THTPA: variants seen among roughly 807,000 people sequenced by gnomAD.
The protein encoded by THTPA is thiamine triphosphatase.
THTPA carries 16 observed loss-of-function variants against 16.5 expected under a neutral mutation model. The observed-to-expected ratio is 0.97, with a 90% CI of 0.66 to 1.47. The LOEUF (loss-of-function observed/expected upper bound fraction) is 1.47. Among genes scored for constraint, THTPA ranks in the 40% most tolerant of loss-of-function variants. The pLI is 0.00. For synonymous variants in THTPA, 110 were observed against 115.5 expected, an observed-to-expected ratio of 0.95 and a Z score of 0.30; for missense variants, 281 against 280.9, an observed-to-expected ratio of 1.00 and a Z score of 0.00.
chr14:23,559,940 T>C lies in THTPA; in HGVS notation c.*1100T>C. ...TTGGGGGAACTCCTGAAGCTCACCT[T>C]GTTAGGATTGAGGATTCTGAAGAGC... On this transcript the variant is annotated 3_prime_UTR_variant, in exon 2 of 2. Transcript: ENST00000288014. The C allele has an allele frequency of 6.2e-7, 1 of 1,612,686 alleles. No homozygotes were observed. Among genetic ancestry groups the C allele is most frequent in the Non-Finnish European group, 8.5e-7 (1 of 1,178,970 alleles).
At chr14:23,519,591 AAACT>A in the THTPA span, among the ~76,000 whole-genome samples, 1 of 152,146 alleles carries the variant, frequency 6.6e-6, no homozygotes, top group African/African-American at 2.4e-5. Flanking sequence ...TGGAATTACA[AAACT>A]AACTCCGCCT....
At chr14:23,524,001 G>A in the THTPA span, 1 of 1,522,252 alleles carries the variant, frequency 6.6e-7, no homozygotes, top group Non-Finnish European at 8.8e-7. This position sits in a 1 kb window ranked among gnomAD's most constrained non-coding sequence, Gnocchi z 5.6. Context: ...CCAGGTGGTA[G>A]GAAAGGCTGG....
Position 23,556,399 on chromosome 14 carries a change from G to A in THTPA, c.-359G>A. ...GTAGCAGGAAAGGGCAGGTCCTCCC[G>A]GGTCGTGAGCCAGTAGCCTCCTGGG... On this transcript the variant is annotated 5_prime_UTR_variant, in exon 1 of 2. Coordinates refer to ENST00000288014, the MANE Select transcript of THTPA (RefSeq NM_024328.6). The A allele has an allele frequency of 4.3e-6, 1 of 234,900 alleles. No homozygotes were observed. Among genetic ancestry groups the A allele is most frequent in the East Asian group, 9.8e-5 (1 of 10,170 alleles). The allele number at this position is 234,900 out of a possible 1,614,324, so 14.6% of individuals were successfully genotyped here.
the THTPA span, chr14:23,524,296 T>C: frequency 6.5e-7 from 1 of 1,536,324 alleles, no homozygotes; most frequent in South Asian, 1.2e-5. This position sits in a 1 kb window ranked among gnomAD's most constrained non-coding sequence, Gnocchi z 5.6. Flanking sequence ...TCTTGCGTGT[T>C]GGGTTGGAAT....
chr14:23,544,733 G>A, the THTPA span, among the ~76,000 whole-genome samples: 3 of 152,170 alleles, frequency 2.0e-5, no homozygotes, highest in African/African-American at 7.2e-5. Context: ...CTCTAATGGC[G>A]CTAACCTCAT....
the THTPA span, chr14:23,525,251 G>T: frequency 1.3e-6 from 2 of 1,536,084 alleles, no homozygotes; most frequent in Admixed American, 2.0e-5. The surrounding 1 kb of genome is among the most constrained non-coding windows in gnomAD (Gnocchi z 5.9). Flanking sequence ...CTCTTCAGGG[G>T]CACGGGTCCC....
the THTPA span, chr14:23,535,380 G>A: frequency 2.1e-6 from 3 of 1,433,904 alleles, no homozygotes; most frequent in South Asian, 3.0e-5. This position sits in a 1 kb window ranked among gnomAD's most constrained non-coding sequence, Gnocchi z 4.5. Context: ...GTACCCTGTA[G>A]GGAGACAAGG....
chr14:23,540,758 A>G, the THTPA span, among the ~76,000 whole-genome samples: 1 of 152,170 alleles, frequency 6.6e-6, no homozygotes, highest in Non-Finnish European at 1.5e-5. Context: ...AGTTGTGAAG[A>G]CCAGATAGGT....
the THTPA span, among the ~76,000 whole-genome samples, chr14:23,544,905 C>T: frequency 6.6e-6 from 1 of 152,126 alleles, no homozygotes; most frequent in Non-Finnish European, 1.5e-5. Flanking sequence ...GTTTCCCTTT[C>T]CTGTCCCCCA....
the THTPA span, chr14:23,524,639 G>A: frequency 2.6e-6 from 4 of 1,536,424 alleles, no homozygotes; most frequent in Middle Eastern, 1.7e-4. This position sits in a 1 kb window ranked among gnomAD's most constrained non-coding sequence, Gnocchi z 5.6. Flanking sequence ...ACAGGTATGG[G>A]CTGGGGAAGG....
chr14:23,527,410 C>T, the THTPA span, among the ~76,000 whole-genome samples: 1 of 152,190 alleles, frequency 6.6e-6, no homozygotes, highest in Non-Finnish European at 1.5e-5. Context: ...CTGAATACTC[C>T]TGCCTCTTCC....
At chr14:23,527,409 C>T in the THTPA span, among the ~76,000 whole-genome samples, 1 of 152,190 alleles carries the variant, frequency 6.6e-6, no homozygotes, top group Non-Finnish European at 1.5e-5. Flanking sequence ...CCTGAATACT[C>T]CTGCCTCTTC....
chr14:23,527,651 G>A, the THTPA span: 4 of 1,536,362 alleles, frequency 2.6e-6, no homozygotes, highest in East Asian at 4.9e-5. Flanking sequence ...TTGTGAAGGT[G>A]GCTAAGGTGG....
chr14:23,556,851 C>T lies in THTPA; in HGVS notation c.94C>T (p.Arg32Trp). Residue 32 changes from arginine (R) to tryptophan (W), a missense_variant, in exon 1 of 2, where the codon CGG becomes TGG. Arg to Trp is a moderately radical substitution (Grantham distance 101). Coordinates refer to ENST00000288014, the MANE Select transcript of THTPA (RefSeq NM_024328.6). ...LQELGGTLEY[R>W]VTFRDTYYDT... ...GGAGTTGGGGGGCACCCTGGAGTAC[C>T]GGGTCACCTTCCGAGACACCTACTA... The T allele has an allele frequency of 6.2e-7, 1 of 1,613,074 alleles. No individual in the cohort carries two copies. The highest frequency in any genetic ancestry group is 8.5e-7 in the Non-Finnish European group (1 of 1,179,584).
At chr14:23,527,817 T>C in the THTPA span, 73 of 1,533,914 alleles carry the variant, frequency 4.8e-5, no homozygotes, top group Non-Finnish European at 5.9e-5. Flanking sequence ...GGAGGGAACA[T>C]ATGGGCAGTG....
the THTPA span, chr14:23,530,465 A>G: frequency 1.6e-6 from 1 of 640,680 alleles, no homozygotes; most frequent in Non-Finnish European, 2.9e-6. Context: ...AGTAGACAGC[A>G]GAAACAAGAC....
At chr14:23,555,615 T>G (rs1882298754), upstream of THTPA, 1 of 152,198 alleles carries the variant, frequency 6.6e-6, no homozygotes, top group Non-Finnish European at 1.5e-5. Flanking sequence ...CAGGAGGTAT[T>G]AGATCCCCTC....
At chr14:23,530,534 T>A in the THTPA span, 1 of 506,528 alleles carries the variant, frequency 2.0e-6, no homozygotes, top group Non-Finnish European at 3.7e-6. Flanking sequence ...AGAAATGTAG[T>A]AGGAGGGGCA....
the THTPA span, chr14:23,532,724 G>A: frequency 7.2e-6 from 11 of 1,535,556 alleles, 1 homozygote; most frequent in Middle Eastern, 6.7e-4. Context: ...TGGGGAAGGG[G>A]TGCCCATGGC....
Sources: gnomAD v4.1 joint callset for allele counts (sites outside exome capture counted in the v4.1 genomes callset) on GRCh38, gnomAD v4.1.1 for gene constraint, Gnocchi (gnomAD v3.1) non-coding constraint, MANE v1.5 for transcripts, NCBI Gene and HGNC (gene_info 2026-07-23, HGNC 2026-07-21) for gene names.